EYS: variants seen among roughly 807,000 people sequenced by gnomAD.
EYS encodes protein eyes shut homolog.
Under a neutral mutation model 282.1 loss-of-function variants are expected in EYS, and 250 were observed. The ratio of observed to expected loss-of-function variants is 0.89; its 90% CI spans 0.80 to 0.98. The LOEUF is 0.98. Among genes scored for constraint, EYS ranks in the 50% least tolerant of loss-of-function variants. The pLI is 0.00. For missense variants in EYS, 4,016 were observed against 3,709.0 expected, an observed-to-expected ratio of 1.08 and a Z score of -2.15; for synonymous variants, 1,355 against 1,282.9, an observed-to-expected ratio of 1.06 and a Z score of -1.20.
intron 29 of EYS, among the ~76,000 whole-genome samples, chr6:64,312,121 A>G (rs1769736101): frequency 6.6e-6 from 1 of 151,890 alleles, no homozygotes; most frequent in Non-Finnish European, 1.5e-5. Flanking sequence ...ACAAGCTAAG[A>G]TCCAGTGGCC....
At chr6:65,080,413 G>A (rs1300218249) in intron 12 of EYS, among the ~76,000 whole-genome samples, 1 of 151,904 alleles carries the variant, frequency 6.6e-6, no homozygotes, top group African/African-American at 2.4e-5. Flanking sequence ...CATCAATTTT[G>A]GTTTCCTACT....
chr6:64,135,785 CA>C (rs987660934), intron 31 of EYS, among the ~76,000 whole-genome samples: 1 of 151,898 alleles, frequency 6.6e-6, no homozygotes, highest in African/African-American at 2.4e-5. Flanking sequence ...ATTTCATTGC[CA>C]AAAAATGCTC....
chr6:65,433,271 G>C (rs1178468046), intron 5 of EYS, among the ~76,000 whole-genome samples: 3 of 152,094 alleles, frequency 2.0e-5, no homozygotes, highest in Non-Finnish European at 4.4e-5. Flanking sequence ...ACTTTAAAGG[G>C]CAAGGAAGGA....
chr6:64,701,444 T>C (rs183351824), intron 22 of EYS, among the ~76,000 whole-genome samples: 22 of 152,196 alleles, frequency 1.4e-4, no homozygotes, highest in Admixed American at 1.0e-3. Flanking sequence ...GAATAGAGAC[T>C]AATATCCAGA....
At chr6:64,642,344 T>C (rs929855872) in intron 22 of EYS, among the ~76,000 whole-genome samples, 4 of 152,228 alleles carry the variant, frequency 2.6e-5, no homozygotes, top group Non-Finnish European at 4.4e-5. Flanking sequence ...CATAGAAATA[T>C]GATATTTGAA....
At chr6:63,795,191 C>T (rs1770613927) in intron 37 of EYS, among the ~76,000 whole-genome samples, 1 of 152,182 alleles carries the variant, frequency 6.6e-6, no homozygotes, top group Non-Finnish European at 1.5e-5. Context: ...AGCATTATAA[C>T]AGCAACTCAT....
At position 65,450,069 on chromosome 6, in the gene EYS, T is replaced by C. The variant is rs573568187; in HGVS notation, c.862+40525A>G. Among the ~76,000 whole-genome samples the C allele has an allele frequency of 1.0e-3, 158 of 152,278 alleles. 1 individual carries two copies. The highest frequency in any genetic ancestry group is 2.7e-3 in the African/African-American group (114 of 41,570). ...TAAAGAAAGTGTGAAAAACAAGATATGTGTCTAAATTTTACACTTATTTTA... is the reference window on the plus strand; with the variant it reads ...TAAAGAAAGTGTGAAAAACAAGATACGTGTCTAAATTTTACACTTATTTTA... On this transcript the variant is annotated intron_variant, in intron 5 of 42. Coordinates refer to ENST00000503581, the MANE Select transcript of EYS (RefSeq NM_001142800.2).
intron 35 of EYS, among the ~76,000 whole-genome samples, chr6:63,945,921 C>T (rs565227099): frequency 1.0e-3 from 157 of 152,312 alleles, no homozygotes; most frequent in African/African-American, 3.7e-3. Flanking sequence ...TCCCAACTGC[C>T]CTTTCCTTAT....
chr6:65,601,458 A>G (rs1873289), intron 2 of EYS, among the ~76,000 whole-genome samples: 12,760 of 151,878 alleles, frequency 0.084, 658 homozygotes, highest in South Asian at 0.15. Context: ...ACCAGCACCA[A>G]TAAGAGAACA....
chr6:63,886,330 A>C (rs1184900275), intron 35 of EYS, among the ~76,000 whole-genome samples: 2 of 152,208 alleles, frequency 1.3e-5, no homozygotes, highest in Admixed American at 1.3e-4. Context: ...TGTCTACAGA[A>C]CAAGGCCTAT....
At chr6:63,939,667 G>A (rs924026927) in intron 35 of EYS, among the ~76,000 whole-genome samples, 4 of 151,484 alleles carry the variant, frequency 2.6e-5, no homozygotes, top group African/African-American at 7.3e-5. Context: ...GTTTGTGACA[G>A]TTTGAAAAAA....
At chr6:64,914,186 G>C (rs78694564) in intron 15 of EYS, among the ~76,000 whole-genome samples, 17 of 152,078 alleles carry the variant, frequency 1.1e-4, no homozygotes, top group Non-Finnish European at 1.6e-4. Context: ...CAGATAGAGA[G>C]TAAATGCAAA....
At chr6:65,343,084 A>G (rs1046850885) in intron 10 of EYS, among the ~76,000 whole-genome samples, 1 of 151,248 alleles carries the variant, frequency 6.6e-6, no homozygotes, top group African/African-American at 2.4e-5. Flanking sequence ...TACTTCATAT[A>G]TTTATGACTT....
intron 5 of EYS, among the ~76,000 whole-genome samples, chr6:65,488,311 A>G (rs1170602856): frequency 6.6e-6 from 1 of 152,108 alleles, no homozygotes; most frequent in African/African-American, 2.4e-5. Flanking sequence ...GTGGGCATTT[A>G]GGGCTATAAA....
chr6:64,926,839 G>A (rs992888488), intron 15 of EYS, among the ~76,000 whole-genome samples: 1 of 152,092 alleles, frequency 6.6e-6, no homozygotes, highest in Non-Finnish European at 1.5e-5. Context: ...TAAAATGTAG[G>A]TATTTGTAAA....
intron 35 of EYS, among the ~76,000 whole-genome samples, chr6:63,873,346 GGC>G (rs1772868635): frequency 6.6e-6 from 1 of 152,032 alleles, no homozygotes; most frequent in Non-Finnish European, 1.5e-5. Context: ...CCTTTTTTAT[GGC>G]TGCATAGTAT....
rs2149623417 is a variant in EYS at position 63,720,635 on chromosome 6, G to A, written c.9396C>T (p.Tyr3132=). The change falls in exon 43 of 43, where the codon TAC becomes TAT. Residue 3132 remains tyrosine (Y), a synonymous_variant. Coordinates refer to ENST00000503581, the MANE Select transcript of EYS (RefSeq NM_001142800.2). ...TTTGTTCATCTCCATCATAAACATT[G>A]TATCCTTCTAATTTAATTAGTTCAA... ...KNIELIKLEG[Y]NVYDGDEQNE... 2 of 1,520,532 alleles carry A rather than the reference G, an allele frequency of 1.3e-6. No homozygotes were observed. The highest frequency in any genetic ancestry group is 1.8e-6 in the Non-Finnish European group (2 of 1,132,440). The allele number at this position is 1,520,532 out of a possible 1,614,324, so 94.2% of individuals were successfully genotyped here.
intron 33 of EYS, among the ~76,000 whole-genome samples, chr6:64,030,542 T>C (rs908918026): frequency 2.0e-5 from 3 of 151,330 alleles, no homozygotes; most frequent in African/African-American, 7.3e-5. Flanking sequence ...GTGTTGTTTT[T>C]ACACTAACCA....
chr6:65,007,297 C>T lies in EYS; in HGVS notation c.2138-9594G>A, dbSNP rs147470208. ...CTATGTCCTTTTATCAGATGGGAAA[C>T]ATTTCCCCCAAGGCAAAAATGCCCC... is the stretch of plus-strand genomic sequence containing the variant. On this transcript the variant is annotated intron_variant, in intron 13 of 42. Coordinates refer to ENST00000503581, the MANE Select transcript of EYS (RefSeq NM_001142800.2). Among the ~76,000 whole-genome samples the T allele has an allele frequency of 2.0e-5, 3 of 151,738 alleles. No homozygotes were observed. In the East Asian group the frequency reaches 5.8e-4, roughly 30 times the overall value.
Sources: allele counts gnomAD v4.1 joint callset (sites outside exome capture counted in the v4.1 genomes callset), GRCh38; gene constraint gnomAD v4.1.1; transcripts MANE v1.5; gene names NCBI Gene and HGNC (gene_info 2026-07-23, HGNC 2026-07-21).